LGALS16: variants seen among roughly 807,000 people sequenced by gnomAD.
LGALS16 encodes the protein galectin 16.
Under a neutral mutation model 13.2 loss-of-function variants are expected in LGALS16, and 15 were observed. The observed-to-expected ratio is 1.13, with a 90% CI of 0.76 to 1.75. The LOEUF (loss-of-function observed/expected upper bound fraction) is 1.75, where lower values mean the gene tolerates loss of function less well. Among genes scored for constraint, LGALS16 ranks in the 40% most tolerant of loss-of-function variants. The pLI is 0.00. For missense variants in LGALS16, 198 were observed against 178.4 expected, an observed-to-expected ratio of 1.11 and a Z score of -0.63; for synonymous variants, 66 against 65.4, an observed-to-expected ratio of 1.01 and a Z score of -0.05.
rs1186385386 is a variant in LGALS16 at position 39,657,769 on chromosome 19, G to C, written c.16-114G>C. 4 of 1,128,178 alleles carry C rather than the reference G, an allele frequency of 3.5e-6. No homozygotes were observed. In the East Asian group the frequency reaches 9.7e-5, roughly 27 times the overall value. 69.9% of individuals were successfully genotyped at this position (1,128,178 alleles called of 1,614,324 possible). On this transcript the variant is annotated intron_variant, in intron 1 of 3. Transcript: ENST00000392051. ...CTGACTGTGGTAGAGTGAATGGGGA[G>C]AGTCCACAGAGCCTGCCCTGTGATC... is the stretch of plus-strand genomic sequence containing the variant.
intron 3 of LGALS16, among the ~76,000 whole-genome samples, chr19:39,659,899 C>T (rs550498674): frequency 6.6e-6 from 1 of 152,268 alleles, no homozygotes; most frequent in South Asian, 2.1e-4. Context: ...AAGACCTGTC[C>T]TCCTTTAACT....
intron 3 of LGALS16, 97 bp downstream of exon 3, chr19:39,658,767 A>G (rs915929801): frequency 4.1e-5 from 31 of 762,528 alleles, no homozygotes; most frequent in Non-Finnish European, 6.4e-5. Flanking sequence ...CTCAGGGCCC[A>G]TCTCCCGTAA....
At chr19:39,657,690 C>G (rs932279722) in intron 1 of LGALS16, 193 bp from the exon 2 acceptor site, 70 of 650,570 alleles carry the variant, frequency 1.1e-4, no homozygotes, top group Non-Finnish European at 2.1e-5. Context: ...CTTCTTGGCT[C>G]CTGAACCCTT....
Position 39,660,474 on chromosome 19 carries a change from G to A in LGALS16, c.383G>A (p.Arg128Lys). 2 of 1,542,994 alleles carry A rather than the reference G, an allele frequency of 1.3e-6. No individual in the cohort carries two copies. Among genetic ancestry groups the A allele is most frequent in the Non-Finnish European group, 1.7e-6 (2 of 1,148,782 alleles). ...PSYVKMIQVW[R>K]DVSLDSVLVN... ...TATGTGAAGATGATTCAAGTGTGGAGAGATGTCTCCCTGGACTCAGTGCTT... is the reference window on the plus strand; with the variant it reads ...TATGTGAAGATGATTCAAGTGTGGAAAGATGTCTCCCTGGACTCAGTGCTT... The change falls in exon 4 of 4, where the codon AGA (arginine) becomes AAA (lysine). Residue 128 changes from arginine to lysine, a missense_variant. Physicochemically the swap from Arg to Lys is conservative, Grantham distance 26 (BLOSUM62 2). Coordinates refer to ENST00000392051, the MANE Select transcript of LGALS16 (RefSeq NM_001190441.3).
intron 1 of LGALS16, 120 bp from the exon 2 acceptor site, chr19:39,657,763 T>C (rs564698746): frequency 5.6e-5 from 60 of 1,080,088 alleles, no homozygotes; most frequent in Non-Finnish European, 7.6e-5. Context: ...GTAGAGTGAA[T>C]GGGGAGAGTC....
rs7256539 is a variant in LGALS16, at chr19:39,656,445, G to T, written c.15+469G>T. On this transcript the variant is annotated intron_variant, in intron 1 of 3. Transcript: ENST00000392051. Reference sequence around the variant, plus strand: ...TGACTGTGGGTGTGTGTGCTGGGATGTGACTGAGTATTGAAGGGAAAACAC... The same window carrying T: ...TGACTGTGGGTGTGTGTGCTGGGATTTGACTGAGTATTGAAGGGAAAACAC... 7.5e-3 allele frequency among the ~76,000 whole-genome samples: 1,146 copies of T among 152,218 alleles called. 8 individuals are homozygous for T. Among genetic ancestry groups the T allele is most frequent in the Non-Finnish European group, 8.3e-3 (566 of 68,034 alleles).
chr19:39,658,107 C>T, intron 2 of LGALS16, 148 bp downstream of exon 2: 2 of 915,976 alleles, frequency 2.2e-6, no homozygotes, highest in Non-Finnish European at 3.4e-6. Context: ...CCTCCAGCAC[C>T]AGGCATGAGA....
Position 39,660,553 on chromosome 19 carries a change from C to T in LGALS16, c.*33C>T, listed in dbSNP as rs1157013015. The T allele has an allele frequency of 3.9e-6, 6 of 1,543,720 alleles. No homozygotes were observed. The highest frequency in any genetic ancestry group is 5.2e-6 in the Non-Finnish European group (6 of 1,147,472). On this transcript the variant is annotated 3_prime_UTR_variant, in exon 4 of 4. Transcript: ENST00000392051. ...CCTCATTGTTGAGGAAACCCTCTTT[C>T]TACCTGACCATGGGATTCCTAGAGC...
chr19:39,657,638 T>C (rs944826386), intron 1 of LGALS16, among the ~76,000 whole-genome samples: 1 of 152,158 alleles, frequency 6.6e-6, no homozygotes, highest in Non-Finnish European at 1.5e-5. Context: ...CGATCTAAGA[T>C]TGCACTGCTA....
rs1273350382 is a variant in LGALS16 at position 39,657,757 on chromosome 19, A to G, written c.16-126A>G. 11 of 1,020,078 alleles carry G rather than the reference A, an allele frequency of 1.1e-5. No homozygotes were observed. In the African/African-American group the frequency reaches 1.6e-4, roughly 15 times the overall value. 63.2% of individuals were successfully genotyped at this position (1,020,078 alleles called of 1,614,324 possible). On this transcript the variant is annotated intron_variant, in intron 1 of 3. Transcript: ENST00000392051. ...GAATGTGGGGCCCTGACTGTGGTAG[A>G]GTGAATGGGGAGAGTCCACAGAGCC...
Position 39,655,967 on chromosome 19 carries a change from A to G in LGALS16, c.6A>G (p.Ser2=). The change falls in exon 1 of 4, where the codon TCA becomes TCG. Residue 2 remains serine, a synonymous_variant. Coordinates refer to ENST00000392051, the MANE Select transcript of LGALS16 (RefSeq NM_001190441.3). ...TCGCCCAGAAGGAGAGGACAATGTC[A>G]TTTCTAACTGTGAGTTGAAAAGGCA... M[S]FLTVPYKLPV... 1 of 1,613,736 alleles carries G rather than the reference A, an allele frequency of 6.2e-7. No individual in the cohort carries two copies. Among genetic ancestry groups the G allele is most frequent in the Non-Finnish European group, 8.5e-7 (1 of 1,179,938 alleles).
chr19:39,656,303 A>G (rs971927553), intron 1 of LGALS16, among the ~76,000 whole-genome samples: 4 of 152,088 alleles, frequency 2.6e-5, no homozygotes, highest in African/African-American at 7.2e-5. Flanking sequence ...GGGTGATTGT[A>G]CTTTGTCTTC....
At chr19:39,660,206 G>T (rs1176336302) in intron 3 of LGALS16, among the ~76,000 whole-genome samples, 189 bp from the exon 4 acceptor site, 2 of 152,024 alleles carry the variant, frequency 1.3e-5, no homozygotes, top group Non-Finnish European at 2.9e-5. Flanking sequence ...GGAAACATTA[G>T]AAATAAGGTC....
Position 39,658,476 on chromosome 19 carries a change from C to T in LGALS16, c.109C>T (p.Gln37Ter). 1 of 1,601,156 alleles carries T rather than the reference C, an allele frequency of 6.2e-7. No individual in the cohort carries two copies. The highest frequency in any genetic ancestry group is 8.5e-7 in the Non-Finnish European group (1 of 1,176,276). ...IDSSINEPQL[Q>*]VDFYTEMNED... ...TGCCCTCAGCAACGAACCACAGCTGCAGGTGGATTTCTACACTGAGATGAA... is the reference window on the plus strand; with the variant it reads ...TGCCCTCAGCAACGAACCACAGCTGTAGGTGGATTTCTACACTGAGATGAA... Residue 37 changes from glutamine (Q) to a stop codon, truncating the protein, a stop_gained, in exon 3 of 4, where the codon CAG becomes TAG. Coordinates refer to ENST00000392051, the MANE Select transcript of LGALS16 (RefSeq NM_001190441.3). LOFTEE classifies it high-confidence loss of function.
chr19:39,657,691 C>T, intron 1 of LGALS16, 192 bp from the exon 2 acceptor site: 1 of 655,038 alleles, frequency 1.5e-6, no homozygotes, highest in Non-Finnish European at 2.6e-6. Flanking sequence ...TTCTTGGCTC[C>T]TGAACCCTTG....
At chr19:39,656,129 A>G (rs1973192171) in intron 1 of LGALS16, among the ~76,000 whole-genome samples, 153 bp downstream of exon 1, 1 of 152,174 alleles carries the variant, frequency 6.6e-6, no homozygotes, top group Non-Finnish European at 1.5e-5. Context: ...GAGGCTGGGT[A>G]TCTGAGATGC....
chr19:39,660,341 C>A, intron 3 of LGALS16, 54 bp from the exon 4 acceptor site: 1 of 1,532,124 alleles, frequency 6.5e-7, no homozygotes, highest in Non-Finnish European at 8.7e-7. Flanking sequence ...AGAGAAGAGG[C>A]TGAAAACTTG....
chr19:39,660,435 G>A lies in LGALS16; in HGVS notation c.344G>A (p.Arg115Gln), dbSNP rs770163155. Residue 115 changes from arginine (R) to glutamine (Q), a missense_variant, in exon 4 of 4, where the codon CGA becomes CAA. Coordinates refer to ENST00000392051, the MANE Select transcript of LGALS16 (RefSeq NM_001190441.3). ...NGEYIYAFVH[R>Q]IPPSYVKMIQ... ...GAATACATTTATGCCTTTGTCCATC[G>A]AATCCCGCCATCATATGTGAAGATG... The A allele has an allele frequency of 3.8e-5, 59 of 1,541,106 alleles. No homozygotes were observed. The highest frequency in any genetic ancestry group is 8.3e-5 in the South Asian group (7 of 84,172).
In LGALS16 at chr19:39,660,456, A is replaced by C; in HGVS notation, c.365A>C (p.Lys122Thr). 1.3e-6 allele frequency: 2 copies of C among 1,542,300 alleles called. No individual in the cohort carries two copies. The highest frequency in any genetic ancestry group is 1.7e-6 in the Non-Finnish European group (2 of 1,148,222). Residue 122 changes from lysine to threonine, a missense_variant, in exon 4 of 4, where the codon AAG (lysine) becomes ACG (threonine). Coordinates refer to ENST00000392051, the MANE Select transcript of LGALS16 (RefSeq NM_001190441.3). The part of the protein sequence containing the change: ...FVHRIPPSYV[K>T]MIQVWRDVSL... ...CATCGAATCCCGCCATCATATGTGA[A>C]GATGATTCAAGTGTGGAGAGATGTC...
Sources: allele counts gnomAD v4.1 joint callset (sites outside exome capture counted in the v4.1 genomes callset), GRCh38; gene constraint gnomAD v4.1.1; transcripts MANE v1.5; gene names NCBI Gene and HGNC (gene_info 2026-07-23, HGNC 2026-07-21).